The following PARD3 variants were observed in gnomAD, a reference collection of about 807,000 sequenced individuals.
PARD3 encodes par-3 family cell polarity regulator, also known as partitioning defective 3 homolog.
A neutral mutation model predicts 155.4 loss-of-function variants in PARD3; 75 were observed. That is an observed-to-expected ratio of 0.48 (90% CI 0.40 to 0.58). The LOEUF is 0.58. Among genes scored for constraint, PARD3 ranks in the 20% least tolerant of loss-of-function variants. The pLI is 0.00. For synonymous variants in PARD3, 576 were observed against 610.5 expected, an observed-to-expected ratio of 0.94 and a Z score of 0.83; for missense variants, 1,642 against 1,721.7, an observed-to-expected ratio of 0.95 and a Z score of 0.82.
intron 2 of PARD3, among the ~76,000 whole-genome samples, chr10:34,676,254 A>C (rs543729661): frequency 6.6e-6 from 1 of 152,322 alleles, no homozygotes; most frequent in South Asian, 2.1e-4. Context: ...ACCTTACCTC[A>C]AAGTGATGCA....
At chr10:34,465,995 C>T (rs979732655) in intron 4 of PARD3, among the ~76,000 whole-genome samples, 2 of 152,106 alleles carry the variant, frequency 1.3e-5, no homozygotes, top group Non-Finnish European at 2.9e-5. Context: ...GATTGAAATA[C>T]TCTTCCTCAG....
chr10:34,798,706 A>C (rs1333566867), intron 1 of PARD3, among the ~76,000 whole-genome samples: 1 of 9,306 alleles, frequency 1.1e-4, no homozygotes, highest in African/African-American at 4.3e-3. Context: ...CTCTGTCTCC[A>C]AAAAAAAAAA....
intron 1 of PARD3, among the ~76,000 whole-genome samples, chr10:34,721,022 T>C (rs1349061562): frequency 6.6e-6 from 1 of 152,186 alleles, no homozygotes. Context: ...TAGAGGATAC[T>C]TGGCAGAACA....
At chr10:34,275,467 G>A (rs1955829477) in intron 21 of PARD3, among the ~76,000 whole-genome samples, 1 of 152,160 alleles carries the variant, frequency 6.6e-6, no homozygotes, top group Admixed American at 6.5e-5. Flanking sequence ...TAGCACTTTA[G>A]AGTAGACTTT....
At chr10:34,618,682 C>G (rs1255508910) in intron 2 of PARD3, among the ~76,000 whole-genome samples, 1 of 152,244 alleles carries the variant, frequency 6.6e-6, no homozygotes, top group Non-Finnish European at 1.5e-5. Context: ...GGACATCCTT[C>G]CTGACTGACT....
chr10:34,659,688 T>G (rs2093273456), intron 2 of PARD3, among the ~76,000 whole-genome samples: 1 of 152,142 alleles, frequency 6.6e-6, no homozygotes, highest in South Asian at 2.1e-4. Context: ...ATGGTGAAAA[T>G]GACTCCACTG....
chr10:34,358,314 A>ACC (rs1839099477), intron 14 of PARD3, among the ~76,000 whole-genome samples: 1 of 152,198 alleles, frequency 6.6e-6, no homozygotes, highest in African/African-American at 2.4e-5. Context: ...AGATGATCCT[A>ACC]CCTTTCAAGA....
At chr10:34,588,316 C>T (rs1467235609) in intron 2 of PARD3, among the ~76,000 whole-genome samples, 3 of 152,168 alleles carry the variant, frequency 2.0e-5, no homozygotes, top group Non-Finnish European at 4.4e-5. Context: ...AAACTGAGGG[C>T]GGGCCTCTGA....
At chr10:34,573,782 CACAGAG>C (rs1564368121) in intron 2 of PARD3, among the ~76,000 whole-genome samples, 3 of 133,770 alleles carry the variant, frequency 2.2e-5, no homozygotes, top group Non-Finnish European at 3.2e-5. Context: ...CACACACACA[CACAGAG>C]AATCAGCCTC....
At chr10:34,595,587 T>C (rs914870282) in intron 2 of PARD3, among the ~76,000 whole-genome samples, 1 of 152,152 alleles carries the variant, frequency 6.6e-6, no homozygotes, top group African/African-American at 2.4e-5. Context: ...GTCAGTCCCA[T>C]CTAAACTATT....
intron 1 of PARD3, among the ~76,000 whole-genome samples, chr10:34,739,989 C>A (rs765333565): frequency 6.6e-6 from 1 of 152,176 alleles, no homozygotes; most frequent in Non-Finnish European, 1.5e-5. Flanking sequence ...CTCCTACACA[C>A]TGACCCGCCA....
At position 34,754,365 on chromosome 10, in the gene PARD3, T is replaced by C. The variant is rs11595034; in HGVS notation, c.121-57946A>G. ...GAAACATACAAGCATCTATTTACCT[T>C]ACCAATAAAAACACTTTCAAGTCAT... is the stretch of plus-strand genomic sequence containing the variant. On this transcript the variant is annotated intron_variant, in intron 1 of 24. Transcript: ENST00000374788. 3.0e-3 allele frequency among the ~76,000 whole-genome samples: 453 copies of C among 152,316 alleles called. 1 individual carries two copies. The highest frequency in any genetic ancestry group is 4.8e-3 in the Non-Finnish European group (329 of 68,022).
intron 22 of PARD3, among the ~76,000 whole-genome samples, chr10:34,203,103 G>A (rs367764876): frequency 5.6e-4 from 85 of 152,294 alleles, no homozygotes; most frequent in Admixed American, 2.0e-3. Context: ...CGCTCTGCCT[G>A]TGCCAAGAAA....
chr10:34,686,262 C>T (rs2093952702), intron 2 of PARD3, among the ~76,000 whole-genome samples: 1 of 152,070 alleles, frequency 6.6e-6, no homozygotes, highest in Non-Finnish European at 1.5e-5. Flanking sequence ...CTTACAACCT[C>T]GGTCCTTGTG....
intron 22 of PARD3, among the ~76,000 whole-genome samples, chr10:34,186,376 A>G (rs1950496702): frequency 6.9e-6 from 1 of 145,746 alleles, no homozygotes; most frequent in South Asian, 2.2e-4. Flanking sequence ...AAAAAAAAAA[A>G]GAAACCCAGC....
chr10:34,120,183 ATTTTTTT>A (rs57670906), intron 23 of PARD3, among the ~76,000 whole-genome samples: 5,973 of 113,646 alleles, frequency 0.053, 355 homozygotes, highest in African/African-American at 0.15. Context: ...TGCCTGGCTA[ATTTTTTT>A]TTTTTTTTTT....
intron 1 of PARD3, among the ~76,000 whole-genome samples, chr10:34,716,595 T>TTTC (rs1554818643): frequency 7.0e-6 from 1 of 142,480 alleles, no homozygotes; most frequent in Non-Finnish European, 1.5e-5. Flanking sequence ...CTTTTTTTTT[T>TTTC]TTTTTTTTTT....
chr10:34,330,617 C>T (rs935437478), intron 19 of PARD3, among the ~76,000 whole-genome samples: 1 of 152,108 alleles, frequency 6.6e-6, no homozygotes, highest in Admixed American at 6.6e-5. Context: ...GATGACTTCA[C>T]ACCCCTGAAA....
chr10:34,287,501 A>G (rs1956457058), intron 20 of PARD3, among the ~76,000 whole-genome samples: 1 of 152,146 alleles, frequency 6.6e-6, no homozygotes, highest in Non-Finnish European at 1.5e-5. Flanking sequence ...TTAGTCTTTA[A>G]GAAATAGTGT....
Sources: gnomAD v4.1 joint callset for allele counts (sites outside exome capture counted in the v4.1 genomes callset) on GRCh38, gnomAD v4.1.1 for gene constraint, MANE v1.5 for transcripts, NCBI Gene and HGNC (gene_info 2026-07-23, HGNC 2026-07-21) for gene names.